SOX5: variants seen among roughly 807,000 people sequenced by gnomAD.
SOX5 encodes transcription factor SOX-5.
A neutral mutation model predicts 92.0 loss-of-function variants in SOX5; 9 were observed. The ratio of observed to expected loss-of-function variants is 0.10; its 90% CI spans 0.06 to 0.17. The LOEUF (loss-of-function observed/expected upper bound fraction) is 0.17. SOX5 is among the 10% of genes least tolerant of loss of function. The pLI, the probability that SOX5 is intolerant of heterozygous loss-of-function variation, is 1.00. For missense variants in SOX5, 642 were observed against 944.5 expected, an observed-to-expected ratio of 0.68 and a Z score of 4.20; for synonymous variants, 344 against 336.3, an observed-to-expected ratio of 1.02 and a Z score of -0.25.
intron 1 of SOX5, among the ~76,000 whole-genome samples, chr12:24,511,161 T>C (rs532248862): frequency 6.6e-6 from 1 of 152,324 alleles, no homozygotes; most frequent in African/African-American, 2.4e-5. Flanking sequence ...CCACCTCCCT[T>C]TCTCCTTTAG....
At chr12:23,590,883 TAAAC>T (rs1341227789) in intron 9 of SOX5, among the ~76,000 whole-genome samples, 1 of 152,024 alleles carries the variant, frequency 6.6e-6, no homozygotes, top group African/African-American at 2.4e-5. Context: ...TTGGAACAGA[TAAAC>T]AACGTGTCTC....
Position 23,768,037 on chromosome 12 carries a change from T to C in SOX5, c.482-12313A>G, listed in dbSNP as rs184048167. ...CAAGGATGCTCATCATACTATGCCA[T>C]GGATTCCATGCTTTCCTAATGAGTC... On this transcript the variant is annotated intron_variant, in intron 3 of 14. Coordinates refer to ENST00000451604, the MANE Select transcript of SOX5 (RefSeq NM_006940.6). Among the ~76,000 whole-genome samples, 604 of 152,308 alleles carry C rather than the reference T, an allele frequency of 4.0e-3. 3 individuals are homozygous for C. Among genetic ancestry groups the C allele is most frequent in the African/African-American group, 0.013 (532 of 41,562 alleles).
At position 23,533,365 on chromosome 12, in the gene SOX5, A is replaced by T; in HGVS notation, c.*854T>A. ...ACCTACAGTTTCCATTAAAAAAAAAAGTCAAATCTCACCAGCTGCTGGTAT... is the reference window on the plus strand; with the variant it reads ...ACCTACAGTTTCCATTAAAAAAAAATGTCAAATCTCACCAGCTGCTGGTAT... On this transcript the variant is annotated 3_prime_UTR_variant, in exon 15 of 15. Transcript: ENST00000451604. 4.1e-6 allele frequency: 1 copy of T among 242,332 alleles called. No homozygotes were observed. Among genetic ancestry groups the T allele is most frequent in the Non-Finnish European group, 8.7e-6 (1 of 115,444 alleles). The allele number at this position is 242,332 out of a possible 1,614,324, so 15.0% of individuals were successfully genotyped here.
At chr12:23,892,983 T>C (rs1223667678) in intron 2 of SOX5, among the ~76,000 whole-genome samples, 2 of 152,202 alleles carry the variant, frequency 1.3e-5, no homozygotes, top group Non-Finnish European at 2.9e-5. Flanking sequence ...CATTACAGCC[T>C]GCGTAAACCT....
intron 9 of SOX5, among the ~76,000 whole-genome samples, chr12:23,595,972 A>T (rs924703971): frequency 6.6e-6 from 1 of 152,208 alleles, no homozygotes; most frequent in Non-Finnish European, 1.5e-5. Flanking sequence ...ATGCTGTCTC[A>T]TTAACTGGTG....
intron 9 of SOX5, among the ~76,000 whole-genome samples, chr12:23,598,769 A>G (rs1264207974): frequency 6.6e-6 from 1 of 152,136 alleles, no homozygotes; most frequent in Non-Finnish European, 1.5e-5. Flanking sequence ...ACTTTGTGTT[A>G]GTGGTAGGTA....
At chr12:24,097,491 AG>A (rs1945568723) in intron 4 of SOX5, among the ~76,000 whole-genome samples, 1 of 127,442 alleles carries the variant, frequency 7.8e-6, no homozygotes, top group African/African-American at 2.9e-5. Context: ...ATAATTTTAC[AG>A]GTTTTTTTTT....
chr12:24,406,794 G>A (rs573521317), intron 1 of SOX5, among the ~76,000 whole-genome samples: 4 of 152,210 alleles, frequency 2.6e-5, no homozygotes, highest in Non-Finnish European at 2.9e-5. Context: ...AATTTCACCC[G>A]AAGCAAGGGA....
intron 1 of SOX5, among the ~76,000 whole-genome samples, chr12:24,385,970 T>A (rs1009238901): frequency 1.4e-4 from 20 of 145,482 alleles, no homozygotes; most frequent in African/African-American, 4.6e-4. Context: ...TGTGGCATTT[T>A]AAAAATAAAT....
At chr12:24,185,492 T>A (rs1399899355) in intron 4 of SOX5, among the ~76,000 whole-genome samples, 1 of 152,158 alleles carries the variant, frequency 6.6e-6, no homozygotes, top group African/African-American at 2.4e-5. Context: ...TTAGTATATT[T>A]CTCCCCCACT....
rs1252882224 is a variant in SOX5 at position 23,533,278 on chromosome 12, A to AAAT, written c.*938_*940dup. ...ATACACACAAAAATCCAAGATCAGA[A>AAAT]AATATTTTTCTCTAAATTTCTTATG... On this transcript the variant is annotated 3_prime_UTR_variant, in exon 15 of 15. Transcript: ENST00000451604. The AAAT allele has an allele frequency of 7.4e-6, 3 of 407,626 alleles. No individual in the cohort carries two copies. The highest frequency in any genetic ancestry group is 6.2e-5 in the African/African-American group (3 of 48,664). The allele number at this position is 407,626 out of a possible 1,614,324, so 25.3% of individuals were successfully genotyped here. A position where few individuals can be genotyped will look rare whatever the true frequency, so the allele number is the denominator to read the frequency against.
chr12:24,010,800 G>A (rs1037684195), intron 4 of SOX5, among the ~76,000 whole-genome samples: 2 of 151,994 alleles, frequency 1.3e-5, no homozygotes, highest in African/African-American at 2.4e-5. Context: ...TTAGCCCGGT[G>A]TAGTGGCACA....
At chr12:23,755,044 G>A (rs78578417) in intron 4 of SOX5, among the ~76,000 whole-genome samples, 2 of 151,644 alleles carry the variant, frequency 1.3e-5, no homozygotes, top group African/African-American at 4.8e-5. Flanking sequence ...AGGATAATTT[G>A]CTTTTATCTT....
At chr12:24,236,008 T>TG (rs1442901852) in intron 3 of SOX5, among the ~76,000 whole-genome samples, 1 of 151,804 alleles carries the variant, frequency 6.6e-6, no homozygotes, top group Non-Finnish European at 1.5e-5. Flanking sequence ...GTTAACATGG[T>TG]AAAACCCCAC....
intron 3 of SOX5, among the ~76,000 whole-genome samples, chr12:23,838,775 C>T (rs541516845): frequency 1.4e-5 from 2 of 141,972 alleles, no homozygotes; most frequent in Admixed American, 1.6e-4. Flanking sequence ...TGCTCTATTT[C>T]TTCTTTTATA....
intron 1 of SOX5, among the ~76,000 whole-genome samples, chr12:24,419,951 A>G (rs1965662269): frequency 6.6e-6 from 1 of 152,242 alleles, no homozygotes; most frequent in Admixed American, 6.5e-5. Context: ...TAAACTGTGA[A>G]AGAAGACTCT....
chr12:24,050,000 G>A (rs888832756), intron 4 of SOX5, among the ~76,000 whole-genome samples: 13 of 145,834 alleles, frequency 8.9e-5, no homozygotes, highest in South Asian at 2.2e-4. Flanking sequence ...CTGCTGGGAC[G>A]CCTGCCAGAT....
At chr12:24,207,891 A>G (rs974083050) in intron 4 of SOX5, among the ~76,000 whole-genome samples, 2 of 152,206 alleles carry the variant, frequency 1.3e-5, no homozygotes, top group Non-Finnish European at 2.9e-5. Flanking sequence ...TGGAATACTT[A>G]CTTCCTCAAT....
intron 2 of SOX5, among the ~76,000 whole-genome samples, chr12:24,351,406 T>C (rs1954072360): frequency 6.6e-6 from 1 of 152,116 alleles, no homozygotes; most frequent in African/African-American, 2.4e-5. Context: ...GCCTCCTAGT[T>C]ATATATGGGA....
Sources: allele counts gnomAD v4.1 joint callset (sites outside exome capture counted in the v4.1 genomes callset), GRCh38; gene constraint gnomAD v4.1.1; transcripts MANE v1.5; gene names NCBI Gene and HGNC (gene_info 2026-07-23, HGNC 2026-07-21).